UBAC1: variants seen among roughly 807,000 people sequenced by gnomAD.
UBAC1 encodes the protein UBA domain containing 1, also known as ubiquitin-associated domain-containing protein 1.
A neutral mutation model predicts 45.9 loss-of-function variants in UBAC1; 27 were observed. That is an observed-to-expected ratio of 0.59 (90% CI 0.43 to 0.81). The LOEUF (loss-of-function observed/expected upper bound fraction) is 0.81, where lower values mean the gene tolerates loss of function less well. Ranked by LOEUF, UBAC1 falls within the 30% of genes least tolerant of loss-of-function variation. UBAC1 has a pLI of 0.00. For missense variants in UBAC1, 529 were observed against 539.2 expected (o/e 0.98, Z 0.19); for synonymous variants, 227 against 215.5 (o/e 1.05, Z -0.47).
intron 9 of UBAC1, among the ~76,000 whole-genome samples, chr9:135,937,358 T>C (rs1362025214): frequency 6.6e-6 from 1 of 151,264 alleles, no homozygotes; most frequent in African/African-American, 2.4e-5. Flanking sequence ...GGAGAATTGC[T>C]TGAACCTGGG....
At chr9:135,956,666 C>T (rs1041652377) in intron 1 of UBAC1, among the ~76,000 whole-genome samples, 4 of 152,146 alleles carry the variant, frequency 2.6e-5, no homozygotes, top group Non-Finnish European at 5.9e-5. Context: ...ATGGCGCCTC[C>T]CCAGCCGGAA....
chr9:135,933,461 G>T lies in UBAC1; in HGVS notation c.1157C>A (p.Pro386Gln). The T allele has an allele frequency of 6.2e-6, 10 of 1,614,152 alleles. No individual in the cohort carries two copies. Among genetic ancestry groups the T allele is most frequent in the Non-Finnish European group, 8.5e-6 (10 of 1,180,016 alleles). ...PLNSTQWMND[P>Q]ETGPVMLQIS... Reference sequence around the variant, plus strand: ...CTGCAGCATGACAGGCCCCGTTTCTGGATCATTCATCCACTGGGTGCTGTT... The same window carrying T: ...CTGCAGCATGACAGGCCCCGTTTCTTGATCATTCATCCACTGGGTGCTGTT... Residue 386 changes from proline to glutamine, a missense_variant, in exon 10 of 10, where the codon CCA (proline) becomes CAA (glutamine). Pro to Gln is a moderately conservative substitution (Grantham distance 76). Transcript: ENST00000371756.
chr9:135,956,697 G>A (rs146740352), intron 1 of UBAC1, among the ~76,000 whole-genome samples: 3,026 of 152,278 alleles, frequency 0.02, 44 homozygotes, highest in Non-Finnish European at 0.023. Flanking sequence ...AGAGGAGAGG[G>A]GCTGCACTTC....
chr9:135,954,558 C>G (rs1483999940), intron 2 of UBAC1, among the ~76,000 whole-genome samples: 1 of 152,202 alleles, frequency 6.6e-6, no homozygotes, highest in Non-Finnish European at 1.5e-5. Flanking sequence ...AGGCCTGGCA[C>G]GAACCCCCAG....
chr9:135,953,891 C>T, intron 2 of UBAC1, 138 bp from the exon 3 acceptor site: 1 of 552,558 alleles, frequency 1.8e-6, no homozygotes, highest in Non-Finnish European at 3.0e-6. Flanking sequence ...GTAATCCCAG[C>T]ACTTTGGGAG....
rs577903396 is a variant in UBAC1 at position 135,938,709 on chromosome 9, T to C, written c.964-349A>G. Among the ~76,000 whole-genome samples, 21 of 151,784 alleles carry C rather than the reference T, an allele frequency of 1.4e-4. 1 individual carries two copies. The highest frequency in any genetic ancestry group is 4.6e-4 in the African/African-American group (19 of 41,480). On this transcript the variant is annotated intron_variant, in intron 8 of 9. Coordinates refer to ENST00000371756, the MANE Select transcript of UBAC1 (RefSeq NM_016172.3). ...ATGTACCAAGTGCCCAGCTTGCCTG[T>C]GGTCCTGTTATGGGCAGTCAGCAGT...
Position 135,933,500 on chromosome 9 carries a change from A to G in UBAC1, c.1118T>C (p.Leu373Pro). ...PKTLLAFEDM[L>P]ENPLNSTQWM... Reference sequence around the variant, plus strand: ...CTGGGTGCTGTTCAGTGGGTTCTCCAGCATGTCTTCAAATGCTGCAGGGAA... The same window carrying G: ...CTGGGTGCTGTTCAGTGGGTTCTCCGGCATGTCTTCAAATGCTGCAGGGAA... Residue 373 changes from leucine to proline, a missense_variant, in exon 10 of 10, where the codon CTG becomes CCG. Coordinates refer to ENST00000371756, the MANE Select transcript of UBAC1 (RefSeq NM_016172.3). 1 of 1,614,006 alleles carries G rather than the reference A, an allele frequency of 6.2e-7. No homozygotes were observed. The highest frequency in any genetic ancestry group is 8.5e-7 in the Non-Finnish European group (1 of 1,179,962).
chr9:135,954,097 C>T (rs868418918), intron 2 of UBAC1, among the ~76,000 whole-genome samples: 2 of 150,178 alleles, frequency 1.3e-5, no homozygotes, highest in African/African-American at 4.9e-5. Context: ...CAAGATTGCA[C>T]CACTGCACTC....
Position 135,939,744 on chromosome 9 carries a change from T to C in UBAC1, c.892A>G (p.Met298Val). The change falls in exon 8 of 10, where the codon ATG (methionine) becomes GTG (valine). Residue 298 changes from methionine to valine, a missense_variant. By Grantham distance (21) the Met-to-Val change is conservative. Transcript: ENST00000371756. ...RADARAVISL[M>V]EMGFDEKEVI... is the part of the protein sequence containing the mutation. ...TCTTTCTCGTCGAACCCCATCTCCA[T>C]CAGGGAAATGACGGCCTAGAGGACA... The C allele has an allele frequency of 2.5e-6, 4 of 1,613,816 alleles. No homozygotes were observed. The South Asian group carries it at 4.4e-5, about 18-fold the overall frequency.
chr9:135,937,641 C>A (rs542617901), intron 9 of UBAC1, among the ~76,000 whole-genome samples: 11 of 152,026 alleles, frequency 7.2e-5, no homozygotes, highest in African/African-American at 2.7e-4. Context: ...GACACAAATA[C>A]GGCAAAACTC....
Position 135,945,033 on chromosome 9 carries a change from C to T in UBAC1, c.871G>A (p.Ala291Thr). 5 of 1,613,398 alleles carry T rather than the reference C, an allele frequency of 3.1e-6. No individual in the cohort carries two copies. Among genetic ancestry groups the T allele is most frequent in the Non-Finnish European group, 4.2e-6 (5 of 1,179,634 alleles). The change falls in exon 7 of 10, where the codon GCT (alanine) becomes ACT (threonine). Residue 291 changes from alanine (A) to threonine (T), a missense_variant. By Grantham distance (58) the Ala-to-Thr change is moderately conservative. Transcript: ENST00000371756. ...ACAGGTCTAGTAACACATACCCGAG[C>T]ATCAGCCCGAAACTCCCTTTTCCTC... Reference protein sequence around the residue: ...IRRKREFRADARAVISLMEMG... With the variant: ...IRRKREFRADTRAVISLMEMG...
intron 7 of UBAC1, chr9:135,942,067 G>T (rs1839276186): frequency 6.6e-6 from 1 of 152,260 alleles, no homozygotes; most frequent in Admixed American, 6.5e-5. Flanking sequence ...CAATGGGGAA[G>T]ATCTTAGGAA....
chr9:135,940,714 G>A (rs186869831), intron 7 of UBAC1, among the ~76,000 whole-genome samples: 219 of 152,190 alleles, frequency 1.4e-3, no homozygotes, highest in Non-Finnish European at 2.5e-3. Flanking sequence ...CATGTAACAA[G>A]ATAATACATC....
intron 7 of UBAC1, 137 bp from the exon 8 acceptor site, chr9:135,939,896 G>T: frequency 1.4e-6 from 1 of 690,074 alleles, no homozygotes. Context: ...GTCCGTCCAC[G>T]TTCTTTCCTC....
chr9:135,934,280 A>G (rs1481974666), intron 9 of UBAC1, among the ~76,000 whole-genome samples: 1 of 152,110 alleles, frequency 6.6e-6, no homozygotes. Context: ...AGTGAACCCA[A>G]CTTGGCTCTG....
At chr9:135,936,740 G>A (rs1356510836) in intron 9 of UBAC1, among the ~76,000 whole-genome samples, 1 of 152,052 alleles carries the variant, frequency 6.6e-6, no homozygotes, top group African/African-American at 2.4e-5. Flanking sequence ...TGATCCACCT[G>A]CCTCAGCCTC....
In UBAC1 at chr9:135,940,977, C is replaced by G. The variant is rs770921508; in HGVS notation, c.877-1218G>C. On this transcript the variant is annotated intron_variant, in intron 7 of 9. Coordinates refer to ENST00000371756, the MANE Select transcript of UBAC1 (RefSeq NM_016172.3). ...GCTGACTTCATGCAGCACTGCACCC[C>G]GCGGACGGTGCACGTCCACAGCCAG... is the stretch of plus-strand genomic sequence containing the variant. Among the ~76,000 whole-genome samples, 3 of 152,214 alleles carry G rather than the reference C, an allele frequency of 2.0e-5. No individual in the cohort carries two copies. In the South Asian group the frequency reaches 6.2e-4, roughly 31 times the overall value.
At chr9:135,949,296 G>C (rs1240763361) in intron 3 of UBAC1, among the ~76,000 whole-genome samples, 1 of 152,112 alleles carries the variant, frequency 6.6e-6, no homozygotes, top group Non-Finnish European at 1.5e-5. Context: ...ACGCCTACCA[G>C]CCAACTCATA....
intron 9 of UBAC1, 85 bp downstream of exon 9, chr9:135,938,137 A>T: frequency 6.5e-7 from 1 of 1,549,014 alleles, no homozygotes; most frequent in Non-Finnish European, 8.7e-7. Flanking sequence ...GATCCTCCGT[A>T]TCGCCTCCGC....
Sources: allele counts gnomAD v4.1 joint callset (sites outside exome capture counted in the v4.1 genomes callset), GRCh38; gene constraint gnomAD v4.1.1; transcripts MANE v1.5; gene names NCBI Gene and HGNC (gene_info 2026-07-23, HGNC 2026-07-21).